The following FSTL4 variants were observed in gnomAD, a reference collection of about 807,000 sequenced individuals.
FSTL4 encodes follistatin-related protein 4.
FSTL4 carries 28 observed loss-of-function variants against 78.2 expected under a neutral mutation model. That is an observed-to-expected ratio of 0.36 (90% CI 0.27 to 0.49). FSTL4 has a LOEUF of 0.49. Among genes scored for constraint, FSTL4 ranks in the 20% least tolerant of loss-of-function variants. The probability of loss-of-function intolerance (pLI) is 0.98; values close to 1 mark genes in which losing one functional copy is unlikely to be tolerated. For synonymous variants in FSTL4, 422 were observed against 440.5 expected (o/e 0.96, Z 0.53); for missense variants, 922 against 1,084.9 (o/e 0.85, Z 2.11).
chr5:133,382,813 T>G (rs1755606320), intron 4 of FSTL4, among the ~76,000 whole-genome samples: 1 of 152,064 alleles, frequency 6.6e-6, no homozygotes, highest in Admixed American at 6.6e-5. Context: ...TTGTTTTAGA[T>G]ATGTGTAGGC....
intron 3 of FSTL4, among the ~76,000 whole-genome samples, chr5:133,423,477 C>T (rs1756740885): frequency 6.6e-6 from 1 of 152,210 alleles, no homozygotes; most frequent in Non-Finnish European, 1.5e-5. Context: ...GGAACCTCAG[C>T]GGGCAGGGCT....
intron 3 of FSTL4, among the ~76,000 whole-genome samples, chr5:133,496,839 C>G (rs2112873459): frequency 6.6e-6 from 1 of 152,332 alleles, no homozygotes; most frequent in Non-Finnish European, 1.5e-5. Context: ...CTGTCCCGCC[C>G]TCTCCCACTC....
intron 3 of FSTL4, among the ~76,000 whole-genome samples, chr5:133,482,436 T>C (rs549305453): frequency 1.3e-5 from 2 of 152,330 alleles, no homozygotes; most frequent in African/African-American, 4.8e-5. Context: ...GCCCAGAGGT[T>C]AGTCTGGGCT....
intron 3 of FSTL4, among the ~76,000 whole-genome samples, chr5:133,401,377 G>A (rs1756220622): frequency 1.3e-5 from 2 of 152,326 alleles, no homozygotes; most frequent in East Asian, 1.9e-4. Context: ...TTGCACAGAA[G>A]GACAAAGCCT....
chr5:133,726,109 C>T, the FSTL4 span, among the ~76,000 whole-genome samples: 5 of 152,192 alleles, frequency 3.3e-5, no homozygotes, highest in Admixed American at 1.3e-4. Context: ...CGAGGCATGG[C>T]TGATAGCATC....
At chr5:133,231,258 A>G (rs1751487901) in intron 8 of FSTL4, among the ~76,000 whole-genome samples, 1 of 151,506 alleles carries the variant, frequency 6.6e-6, no homozygotes, top group South Asian at 2.1e-4. Context: ...AACACCCTGA[A>G]GTGTTGTCCA....
intron 7 of FSTL4, among the ~76,000 whole-genome samples, chr5:133,240,551 C>A (rs1005030403): frequency 6.6e-6 from 1 of 152,174 alleles, no homozygotes; most frequent in Non-Finnish European, 1.5e-5. Flanking sequence ...GGGAGAGCAC[C>A]TGGTTCTTCC....
At chr5:133,737,081 A>G in the FSTL4 span, among the ~76,000 whole-genome samples, 2 of 152,262 alleles carry the variant, frequency 1.3e-5, no homozygotes, top group East Asian at 3.9e-4. Context: ...AAATAATCCA[A>G]TTATGTTCTT....
the FSTL4 span, among the ~76,000 whole-genome samples, chr5:133,673,393 G>T: frequency 5.9e-5 from 9 of 152,156 alleles, no homozygotes; most frequent in Non-Finnish European, 8.8e-5. Flanking sequence ...CCAGGGCAGG[G>T]GTGTTCCCTC....
In FSTL4 at chr5:133,571,511, C is replaced by T. The variant is rs573767657; in HGVS notation, c.127-4292G>A. Among the ~76,000 whole-genome samples, 21 of 152,218 alleles carry T rather than the reference C, an allele frequency of 1.4e-4. No individual in the cohort carries two copies. The South Asian group carries it at 4.1e-3, about 30-fold the overall frequency. ...GGCACAAGCTTTAGAATAACTATGG[C>T]TAATATGTTTAGGAAAATAGGAGAA... On this transcript the variant is annotated intron_variant, in intron 2 of 15. Coordinates refer to ENST00000265342, the MANE Select transcript of FSTL4 (RefSeq NM_015082.2).
At chr5:133,249,199 G>C (rs991271112) in intron 7 of FSTL4, among the ~76,000 whole-genome samples, 7 of 152,210 alleles carry the variant, frequency 4.6e-5, no homozygotes, top group Non-Finnish European at 1.0e-4. Context: ...CTCTTCCTTA[G>C]CCGGACATAG....
intron 3 of FSTL4, among the ~76,000 whole-genome samples, chr5:133,448,056 A>G (rs1232769452): frequency 3.3e-5 from 5 of 152,192 alleles, no homozygotes; most frequent in Non-Finnish European, 7.3e-5. Flanking sequence ...ATTTAGCATG[A>G]AAGTAGCCGT....
In FSTL4 at chr5:133,259,919, C is replaced by T. The variant is rs147304912; in HGVS notation, c.728-10343G>A. On this transcript the variant is annotated intron_variant, in intron 6 of 15. Coordinates refer to ENST00000265342, the MANE Select transcript of FSTL4 (RefSeq NM_015082.2). ...GCTGGGAGGGGAGGTCCAGGGACCC[C>T]ACACAACATTGAGGTCCCATCTTTG... Among the ~76,000 whole-genome samples, 139 of 152,202 alleles carry T rather than the reference C, an allele frequency of 9.1e-4. 2 individuals carry two copies. The East Asian group carries it at 0.02, about 22-fold the overall frequency.
At chr5:133,268,349 T>C (rs1023570565) in intron 6 of FSTL4, among the ~76,000 whole-genome samples, 27 of 152,302 alleles carry the variant, frequency 1.8e-4, no homozygotes, top group Non-Finnish European at 4.4e-5. Context: ...TGATGGAGAA[T>C]TCTATGCTGA....
the FSTL4 span, among the ~76,000 whole-genome samples, chr5:133,741,216 A>G: frequency 1.3e-5 from 2 of 152,218 alleles, no homozygotes; most frequent in Non-Finnish European, 2.9e-5. Context: ...CGGAAGCAGA[A>G]CCTAAGGCAG....
At chr5:133,729,382 T>C in the FSTL4 span, among the ~76,000 whole-genome samples, 1 of 152,192 alleles carries the variant, frequency 6.6e-6, no homozygotes, top group African/African-American at 2.4e-5. Flanking sequence ...TACGTCTCTT[T>C]CCTCATTTGT....
the FSTL4 span, among the ~76,000 whole-genome samples, chr5:133,731,606 T>G: frequency 6.6e-6 from 1 of 152,170 alleles, no homozygotes; most frequent in Non-Finnish European, 1.5e-5. Context: ...AGAGCTTGGC[T>G]TGGGTGGGGG....
the FSTL4 span, among the ~76,000 whole-genome samples, chr5:133,658,253 A>T: frequency 1.3e-5 from 2 of 152,170 alleles, no homozygotes; most frequent in South Asian, 4.1e-4. Context: ...TATTGTTTTT[A>T]TTCATTTTTA....
chr5:133,224,658 C>T (rs1291643137), intron 10 of FSTL4, among the ~76,000 whole-genome samples: 1 of 152,212 alleles, frequency 6.6e-6, no homozygotes, highest in Non-Finnish European at 1.5e-5. Flanking sequence ...ATGATTAACA[C>T]CCATGTCTAT....
Sources: gnomAD v4.1 joint callset for allele counts (sites outside exome capture counted in the v4.1 genomes callset) on GRCh38, gnomAD v4.1.1 for gene constraint, MANE v1.5 for transcripts, NCBI Gene and HGNC (gene_info 2026-07-23, HGNC 2026-07-21) for gene names.